PTPRO: variants seen among roughly 807,000 people sequenced by gnomAD.
The protein encoded by PTPRO is receptor-type tyrosine-protein phosphatase O.
A neutral mutation model predicts 145.2 loss-of-function variants in PTPRO; 62 were observed. The ratio of observed to expected loss-of-function variants is 0.43; its 90% CI spans 0.35 to 0.53. The LOEUF (loss-of-function observed/expected upper bound fraction) is 0.53. PTPRO is among the 20% of genes least tolerant of loss of function. PTPRO has a pLI of 0.01. For missense variants in PTPRO, 1,345 were observed against 1,482.7 expected (o/e 0.91, Z 1.53); for synonymous variants, 565 against 514.7 (o/e 1.10, Z -1.32).
chr12:15,342,427 T>C (rs1867029792), intron 1 of PTPRO, among the ~76,000 whole-genome samples: 1 of 152,342 alleles, frequency 6.6e-6, no homozygotes, highest in East Asian at 1.9e-4. Flanking sequence ...TTATTCTTTC[T>C]TTCTATGAAC....
intron 1 of PTPRO, among the ~76,000 whole-genome samples, chr12:15,469,150 C>A (rs186390470): frequency 6.6e-6 from 1 of 152,236 alleles, no homozygotes; most frequent in East Asian, 1.9e-4. Context: ...CTCATCCATT[C>A]CGAAATAAAT....
At chr12:15,512,962 C>T (rs1942472275) in intron 7 of PTPRO, among the ~76,000 whole-genome samples, 1 of 150,382 alleles carries the variant, frequency 6.6e-6, no homozygotes, top group East Asian at 2.0e-4. Flanking sequence ...CCACTGCACT[C>T]CAGGTTGGGC....
intron 1 of PTPRO, among the ~76,000 whole-genome samples, chr12:15,334,078 A>C (rs1360563509): frequency 1.3e-5 from 2 of 152,228 alleles, no homozygotes; most frequent in African/African-American, 4.8e-5. Flanking sequence ...TGCACGTCAT[A>C]TAACCAGATT....
intron 13 of PTPRO, among the ~76,000 whole-genome samples, chr12:15,548,501 AT>A (rs1943359852): frequency 6.6e-6 from 1 of 151,050 alleles, no homozygotes; most frequent in Non-Finnish European, 1.5e-5. Flanking sequence ...ACATGCATAT[AT>A]TGTGTGTATA....
Position 15,368,062 on chromosome 12 carries a change from G to A in PTPRO, c.75+45261G>A, listed in dbSNP as rs867889641. Among the ~76,000 whole-genome samples the A allele has an allele frequency of 4.1e-4, 63 of 152,240 alleles. No individual in the cohort carries two copies. In the Middle Eastern group the frequency reaches 0.01, roughly 25 times the overall value. ...CTCAATAAAACCGTTTAGTAGCTTCGCTTCCCATTCAGGGGAAATGTCACT... is the reference window on the plus strand; with the variant it reads ...CTCAATAAAACCGTTTAGTAGCTTCACTTCCCATTCAGGGGAAATGTCACT... On this transcript the variant is annotated intron_variant, in intron 1 of 26. Transcript: ENST00000281171.
chr12:15,589,300 C>G (rs147188844), intron 24 of PTPRO, among the ~76,000 whole-genome samples, 155 bp from the exon 25 acceptor site: 1 of 151,234 alleles, frequency 6.6e-6, no homozygotes, highest in Admixed American at 6.6e-5. Context: ...CACTTGAAGC[C>G]GAGAGGCAGA....
intron 1 of PTPRO, among the ~76,000 whole-genome samples, chr12:15,326,082 T>TC (rs761539360): frequency 6.6e-6 from 1 of 152,238 alleles, no homozygotes; most frequent in Non-Finnish European, 1.5e-5. Context: ...ATATCTGTTT[T>TC]CCACGGTCTG....
intron 5 of PTPRO, among the ~76,000 whole-genome samples, chr12:15,503,013 A>G (rs1480469399): frequency 6.6e-6 from 1 of 152,178 alleles, no homozygotes; most frequent in Non-Finnish European, 1.5e-5. Flanking sequence ...CTTCTATACA[A>G]GATGATACAG....
At chr12:15,473,082 T>C (rs1175113614) in intron 1 of PTPRO, among the ~76,000 whole-genome samples, 1 of 152,154 alleles carries the variant, frequency 6.6e-6, no homozygotes, top group Non-Finnish European at 1.5e-5. Flanking sequence ...GCAACCCTTG[T>C]CAGGCCCTCA....
chr12:15,556,251 GATATT>G (rs1308991843), intron 15 of PTPRO, among the ~76,000 whole-genome samples: 7 of 152,120 alleles, frequency 4.6e-5, no homozygotes, highest in Non-Finnish European at 8.8e-5. Context: ...AATACACTAT[GATATT>G]ATATTAGTGT....
chr12:15,338,803 G>A (rs1026870354), intron 1 of PTPRO, among the ~76,000 whole-genome samples: 1 of 152,178 alleles, frequency 6.6e-6, no homozygotes, highest in Non-Finnish European at 1.5e-5. Context: ...AACAGGAGCG[G>A]AGTAGAGGAA....
chr12:15,589,142 G>A (rs1012538044), intron 24 of PTPRO, among the ~76,000 whole-genome samples: 2 of 152,184 alleles, frequency 1.3e-5, no homozygotes, highest in African/African-American at 2.4e-5. Context: ...TCAGGAGGCC[G>A]AGGTGGGAAG....
chr12:15,549,068 A>G (rs768235723), intron 13 of PTPRO, 26 bp from the exon 14 acceptor site: 5 of 1,610,372 alleles, frequency 3.1e-6, no homozygotes, highest in Non-Finnish European at 4.2e-6. Context: ...TTAACCTAAA[A>G]TTTACCTTAT....
chr12:15,425,410 G>A (rs972198763), intron 1 of PTPRO, among the ~76,000 whole-genome samples: 4 of 152,124 alleles, frequency 2.6e-5, no homozygotes, highest in Admixed American at 1.3e-4. Flanking sequence ...ACTGTGGTAG[G>A]TGTGAGGCCA....
At chr12:15,533,817 G>A (rs758327587) in intron 12 of PTPRO, among the ~76,000 whole-genome samples, 1 of 152,226 alleles carries the variant, frequency 6.6e-6, no homozygotes, top group East Asian at 1.9e-4. Flanking sequence ...CATTGTTAAA[G>A]CTGGGGCCGT....
rs184067298 is a variant in PTPRO at position 15,418,812 on chromosome 12, C to A, written c.76-65162C>A. Among the ~76,000 whole-genome samples, 783 of 151,630 alleles carry A rather than the reference C, an allele frequency of 5.2e-3. 37 individuals carry two copies. Among genetic ancestry groups the A allele is most frequent in the African/African-American group, 0.019 (762 of 41,022 alleles). ...CTTACTTTAACATCTTTTTTTTCCC[C>A]TAAGCCTAATGTGCTTCCAAACTTG... On this transcript the variant is annotated intron_variant, in intron 1 of 26. Transcript: ENST00000281171.
chr12:15,348,785 C>CAA (rs545200802), intron 1 of PTPRO: 103 of 132,236 alleles, frequency 7.8e-4, no homozygotes, highest in East Asian at 9.4e-4. Flanking sequence ...GACTCCGTCT[C>CAA]AAAAAAAAAA....
At chr12:15,453,682 C>T (rs1941104117) in intron 1 of PTPRO, among the ~76,000 whole-genome samples, 2 of 152,146 alleles carry the variant, frequency 1.3e-5, no homozygotes, top group Non-Finnish European at 2.9e-5. Context: ...ACCTCAAGAA[C>T]TTATGATCTT....
At chr12:15,445,345 T>C (rs1032129637) in intron 1 of PTPRO, among the ~76,000 whole-genome samples, 2 of 152,172 alleles carry the variant, frequency 1.3e-5, no homozygotes, top group African/African-American at 4.8e-5. Flanking sequence ...ATTCAATATT[T>C]TTATATTTCA....
Sources: gnomAD v4.1 joint callset for allele counts (sites outside exome capture counted in the v4.1 genomes callset) on GRCh38, gnomAD v4.1.1 for gene constraint, MANE v1.5 for transcripts, NCBI Gene and HGNC (gene_info 2026-07-23, HGNC 2026-07-21) for gene names.